Variants in FIP1L1 observed in about 807,000 individuals in gnomAD.
The protein encoded by FIP1L1 is factor interacting with PAPOLA and CPSF1.
FIP1L1 carries 21 observed loss-of-function variants against 84.6 expected under a neutral mutation model. That is an observed-to-expected ratio of 0.25 (90% CI 0.18 to 0.36). The LOEUF (loss-of-function observed/expected upper bound fraction) is 0.36, where lower values mean the gene tolerates loss of function less well. Among genes scored for constraint, FIP1L1 ranks in the 10% least tolerant of loss-of-function variants. The pLI is 1.00. For synonymous variants in FIP1L1, 263 were observed against 242.3 expected, an observed-to-expected ratio of 1.09 and a Z score of -0.80; for missense variants, 526 against 751.1, an observed-to-expected ratio of 0.70 and a Z score of 3.50.
chr4:53,460,238 C>T lies in FIP1L1; in HGVS notation c.*789C>T, dbSNP rs996803125. On this transcript the variant is annotated 3_prime_UTR_variant, in exon 18 of 18. Transcript: ENST00000337488. ...GCATGAGTTTTTATACAGTTACTAA[C>T]GATTGTGGAAAAAAAGAGCTTTAGC... The T allele has an allele frequency of 3.1e-5, 6 of 192,340 alleles. No individual in the cohort carries two copies. Among genetic ancestry groups the T allele is most frequent in the Non-Finnish European group, 6.5e-5 (6 of 92,216 alleles). The allele number at this position is 192,340 out of a possible 1,614,324, so 11.9% of individuals were successfully genotyped here.
chr4:53,423,582 G>A (rs1256482963), intron 11 of FIP1L1, among the ~76,000 whole-genome samples: 1 of 152,078 alleles, frequency 6.6e-6, no homozygotes, highest in Non-Finnish European at 1.5e-5. Flanking sequence ...TTGTTGCTGT[G>A]GTACATACTG....
intron 11 of FIP1L1, among the ~76,000 whole-genome samples, chr4:53,425,468 G>A (rs887387442): frequency 2.0e-5 from 3 of 151,854 alleles, no homozygotes; most frequent in African/African-American, 7.3e-5. Flanking sequence ...GGCCTTTTTG[G>A]GGAATATTTA....
At position 53,419,405 on chromosome 4, in the gene FIP1L1, T is replaced by C. The variant is rs181147372; in HGVS notation, c.923+4683T>C. Among the ~76,000 whole-genome samples, 35 of 152,306 alleles carry C rather than the reference T, an allele frequency of 2.3e-4. No individual in the cohort carries two copies. In the East Asian group the frequency reaches 5.6e-3, roughly 24 times the overall value. ...ACTTTACAATGCAAAAGAGCCTCTT[T>C]CCACATCTGTGAAAATGAAACTAAT... is the stretch of plus-strand genomic sequence containing the variant. On this transcript the variant is annotated intron_variant, in intron 11 of 17. Transcript: ENST00000337488.
intron 16 of FIP1L1, among the ~76,000 whole-genome samples, chr4:53,455,713 A>C (rs1718556347): frequency 6.6e-6 from 1 of 151,920 alleles, no homozygotes; most frequent in African/African-American, 2.4e-5. Flanking sequence ...TCGATGCATA[A>C]TTTTTTCATA....
intron 3 of FIP1L1, 54 bp from the exon 4 acceptor site, chr4:53,382,224 C>T (rs1193902529): frequency 5.7e-6 from 7 of 1,237,206 alleles, no homozygotes; most frequent in Non-Finnish European, 8.3e-6. Context: ...TATAATCTAT[C>T]TGTACTTCCG....
At chr4:53,424,045 C>A (rs1763414611) in intron 11 of FIP1L1, among the ~76,000 whole-genome samples, 1 of 152,098 alleles carries the variant, frequency 6.6e-6, no homozygotes, top group South Asian at 2.1e-4. Context: ...TGCTATCTGA[C>A]TTGCAAGTCC....
At chr4:53,379,407 G>C (rs1736588451) in intron 3 of FIP1L1, 143 bp downstream of exon 3, 6 of 765,194 alleles carry the variant, frequency 7.8e-6, no homozygotes, top group Non-Finnish European at 1.3e-5. Context: ...AATCCTTTAA[G>C]GATTATTCCA....
intron 4 of FIP1L1, 77 bp downstream of exon 4, chr4:53,382,412 T>G: frequency 1.6e-6 from 2 of 1,238,764 alleles, no homozygotes; most frequent in South Asian, 1.2e-5. Flanking sequence ...GAAAGCAAGC[T>G]GGCATTTTAC....
rs1765051644 is a variant in FIP1L1 at position 53,428,040 on chromosome 4, G to T, written c.1031G>T (p.Arg344Ile). The change falls in exon 13 of 18, where the codon AGA becomes ATA. Residue 344 changes from arginine to isoleucine, a missense_variant. Physicochemically the swap from Arg to Ile is moderately conservative, Grantham distance 97. Transcript: ENST00000337488. ...ENSNIQVLSE[R>I]SATEVDNNFS... ...CTCTAATTTTAGGTCCTTTCTGAAA[G>T]ATCTGCTACTGAAGTAGACAACAAT... The T allele has an allele frequency of 6.2e-7, 1 of 1,603,226 alleles. No homozygotes were observed. The highest frequency in any genetic ancestry group is 8.5e-7 in the Non-Finnish European group (1 of 1,172,886).
chr4:53,378,470 A>G (rs992796317), intron 1 of FIP1L1: 18 of 152,122 alleles, frequency 1.2e-4, no homozygotes, highest in African/African-American at 4.1e-4. Context: ...ATAATTAATT[A>G]AGAGAGAGAG....
At chr4:53,388,615 G>A (rs1326072014) in intron 5 of FIP1L1, among the ~76,000 whole-genome samples, 4 of 152,212 alleles carry the variant, frequency 2.6e-5, no homozygotes, top group African/African-American at 7.2e-5. Context: ...GATTACAGGC[G>A]TGAGCCGCCG....
At chr4:53,455,627 A>G (rs1718502259) in intron 16 of FIP1L1, among the ~76,000 whole-genome samples, 1 of 152,138 alleles carries the variant, frequency 6.6e-6, no homozygotes, top group Non-Finnish European at 1.5e-5. Context: ...CAGTTACACT[A>G]GTGCCTCAAA....
rs571703992 is a variant in FIP1L1 at position 53,408,951 on chromosome 4, T to C, written c.816-5664T>C. 4.4e-3 allele frequency among the ~76,000 whole-genome samples: 675 copies of C among 152,266 alleles called. 2 individuals carry two copies. Among genetic ancestry groups the C allele is most frequent in the African/African-American group, 0.015 (639 of 41,546 alleles). ...TGCCTTTGGTTTGAATTTCCTCCCG[T>C]AGCTTGGAGTAGTTTGATCGTCTGA... On this transcript the variant is annotated intron_variant, in intron 10 of 17. Coordinates refer to ENST00000337488, the MANE Select transcript of FIP1L1 (RefSeq NM_030917.4).
rs184892766 is a variant in FIP1L1 at position 53,427,865 on chromosome 4, C to T, written c.1018-162C>T. ...GTATACTCACACAGGCGTATGTATA[C>T]ACATATCACACATGTAGAACTATTA... On this transcript the variant is annotated intron_variant, in intron 12 of 17. Coordinates refer to ENST00000337488, the MANE Select transcript of FIP1L1 (RefSeq NM_030917.4). Among the ~76,000 whole-genome samples the T allele has an allele frequency of 3.9e-5, 6 of 152,178 alleles. No individual in the cohort carries two copies. In the East Asian group the frequency reaches 1.2e-3, roughly 29 times the overall value.
At chr4:53,400,201 A>G (rs1406885545) in intron 10 of FIP1L1, among the ~76,000 whole-genome samples, 2 of 152,156 alleles carry the variant, frequency 1.3e-5, no homozygotes, top group Admixed American at 6.6e-5. Context: ...CTAAGTCTAG[A>G]TCTATTGGCC....
intron 15 of FIP1L1, among the ~76,000 whole-genome samples, chr4:53,446,945 G>A (rs577279682): frequency 6.6e-6 from 1 of 151,936 alleles, no homozygotes; most frequent in East Asian, 1.9e-4. Context: ...AAGGTTTTTT[G>A]TTTTTGTTTT....
At chr4:53,401,708 G>C (rs1750355573) in intron 10 of FIP1L1, among the ~76,000 whole-genome samples, 1 of 152,222 alleles carries the variant, frequency 6.6e-6, no homozygotes, top group Non-Finnish European at 1.5e-5. Context: ...CATTTACAGA[G>C]ATGGAAAAGA....
rs138378352 is a variant in FIP1L1 at position 53,406,766 on chromosome 4, A to C, written c.815+6927A>C. 1.8e-3 allele frequency among the ~76,000 whole-genome samples: 277 copies of C among 152,314 alleles called. 11 individuals carry two copies. The East Asian group carries it at 0.051, about 28-fold the overall frequency. On this transcript the variant is annotated intron_variant, in intron 10 of 17. Transcript: ENST00000337488. ...GGTGTATGTGTCGAGGAATTTATCC[A>C]TGTCTTCTAGATTTTCTAGTTTATT...
At chr4:53,457,481 A>G (rs1182217672) in intron 16 of FIP1L1, among the ~76,000 whole-genome samples, 3 of 152,162 alleles carry the variant, frequency 2.0e-5, no homozygotes, top group Non-Finnish European at 4.4e-5. Flanking sequence ...AATGTATCAC[A>G]GATAATAACT....
Sources: allele counts gnomAD v4.1 joint callset (sites outside exome capture counted in the v4.1 genomes callset), GRCh38; gene constraint gnomAD v4.1.1; transcripts MANE v1.5; gene names NCBI Gene and HGNC (gene_info 2026-07-23, HGNC 2026-07-21).